Variants in EFL1 observed in about 807,000 individuals in gnomAD.
EFL1 encodes elongation factor like GTPase 1.
Under a neutral mutation model 126.7 loss-of-function variants are expected in EFL1, and 76 were observed. The ratio of observed to expected loss-of-function variants is 0.60; its 90% confidence interval spans 0.50 to 0.73. The LOEUF (loss-of-function observed/expected upper bound fraction) is 0.73. Ranked by LOEUF, EFL1 falls within the 30% of genes least tolerant of loss-of-function variation. EFL1 has a pLI of 0.00. For synonymous variants in EFL1, 410 were observed against 448.4 expected, an observed-to-expected ratio of 0.91 and a Z score of 1.08; for missense variants, 1,128 against 1,343.2, an observed-to-expected ratio of 0.84 and a Z score of 2.50.
At chr15:82,213,435 C>T (rs1158069855) in intron 15 of EFL1, among the ~76,000 whole-genome samples, 1 of 152,172 alleles carries the variant, frequency 6.6e-6, no homozygotes, top group Non-Finnish European at 1.5e-5. Context: ...TGGTATCTCT[C>T]CTTATACACC....
chr15:82,181,672 A>C (rs1405624564), intron 15 of EFL1, among the ~76,000 whole-genome samples: 1 of 151,672 alleles, frequency 6.6e-6, no homozygotes, highest in Non-Finnish European at 1.5e-5. Flanking sequence ...TCACTTATTC[A>C]TCATGAACAT....
chr15:82,251,173 C>A (rs2075017921), intron 4 of EFL1, among the ~76,000 whole-genome samples: 1 of 152,150 alleles, frequency 6.6e-6, no homozygotes. Context: ...GATCATGCCA[C>A]TGCACTCCAG....
chr15:82,152,644 C>A (rs757729157), intron 17 of EFL1, among the ~76,000 whole-genome samples: 1 of 151,672 alleles, frequency 6.6e-6, no homozygotes, highest in Admixed American at 6.6e-5. Flanking sequence ...CAGGGAAATC[C>A]TTGCATGTAC....
chr15:82,141,212 A>G (rs1567037802), intron 18 of EFL1, among the ~76,000 whole-genome samples: 2 of 152,178 alleles, frequency 1.3e-5, no homozygotes, highest in East Asian at 3.8e-4. Flanking sequence ...CAATACTTCA[A>G]GTATAGTCTG....
chr15:82,238,494 T>C lies in EFL1; in HGVS notation c.544A>G (p.Thr182Ala), dbSNP rs1567075411. The C allele has an allele frequency of 4.3e-6, 7 of 1,613,330 alleles. No individual in the cohort carries two copies. Among genetic ancestry groups the C allele is most frequent in the Non-Finnish European group, 5.9e-6 (7 of 1,179,644 alleles). The change falls in exon 7 of 20, where the codon ACT becomes GCT. Residue 182 changes from threonine (T) to alanine (A), a missense_variant. Thr to Ala is a moderately conservative substitution (Grantham distance 58). Transcript: ENST00000268206. ...QINALTGTLF[T>A]SKVLEERAER... ...GCTCTTTCTTCTAGGACTTTAGAAGTAAAAAGAGTCCCTGTGAGCGCATTA... is the reference window on the plus strand; with the variant it reads ...GCTCTTTCTTCTAGGACTTTAGAAGCAAAAAGAGTCCCTGTGAGCGCATTA...
chr15:82,204,162 C>A (rs147921354), intron 15 of EFL1, among the ~76,000 whole-genome samples: 3,052 of 152,194 alleles, frequency 0.02, 109 homozygotes, highest in African/African-American at 0.07. Context: ...CATCTAATGT[C>A]TGCCACATGT....
intron 5 of EFL1, among the ~76,000 whole-genome samples, chr15:82,240,809 G>C (rs1207110256): frequency 6.6e-6 from 1 of 152,162 alleles, no homozygotes; most frequent in Non-Finnish European, 1.5e-5. Context: ...CAGCACTCTG[G>C]GAGGCTGAGG....
intron 6 of EFL1, 78 bp downstream of exon 6, chr15:82,240,340 C>G (rs142368361): frequency 7.2e-7 from 1 of 1,385,608 alleles, no homozygotes; most frequent in Non-Finnish European, 9.7e-7. Flanking sequence ...TCTGTAGCAA[C>G]GGCTCATACC....
Position 82,225,190 on chromosome 15 carries a change from T to C in EFL1, c.1267A>G (p.Lys423Glu), listed in dbSNP as rs151013771. 1,976 of 1,612,050 alleles carry C rather than the reference T, an allele frequency of 1.2e-3. 21 individuals are homozygous for C. The African/African-American group carries it at 0.022, about 18-fold the overall frequency. ...FVSKMFAVDA[K>E]ALPQNKPRPL... The stretch of plus-strand genomic sequence containing the variant: ...CTTGGCTTATTCTGAGGCAAGGCCT[T>C]AGCATCAACTGCAAACATTTTGGAA... The change falls in exon 12 of 20, where the codon AAG (lysine) becomes GAG (glutamate). Residue 423 changes from lysine (K) to glutamate (E), a missense_variant. Physicochemically the swap from Lys to Glu is moderately conservative, Grantham distance 56. Coordinates refer to ENST00000268206, the MANE Select transcript of EFL1 (RefSeq NM_024580.6).
At chr15:82,190,739 A>G (rs2074350852) in intron 15 of EFL1, among the ~76,000 whole-genome samples, 1 of 152,204 alleles carries the variant, frequency 6.6e-6, no homozygotes. Flanking sequence ...AAACTAAGTG[A>G]TAATACTGAT....
chr15:82,158,947 A>G (rs966692949), intron 16 of EFL1, among the ~76,000 whole-genome samples: 7 of 152,218 alleles, frequency 4.6e-5, no homozygotes, highest in Non-Finnish European at 1.0e-4. Flanking sequence ...GTCCCAGACT[A>G]ACTAAGTGGC....
At chr15:82,195,927 G>C (rs2074403345) in intron 15 of EFL1, among the ~76,000 whole-genome samples, 1 of 152,162 alleles carries the variant, frequency 6.6e-6, no homozygotes, top group African/African-American at 2.4e-5. Context: ...TCTATTAAAA[G>C]AAGTACAGGA....
In EFL1 at chr15:82,152,049, T is replaced by C; in HGVS notation, c.2405A>G (p.Glu802Gly). 6.2e-7 allele frequency: 1 copy of C among 1,614,200 alleles called. No individual in the cohort carries two copies. The highest frequency in any genetic ancestry group is 8.5e-7 in the Non-Finnish European group (1 of 1,180,036). The change falls in exon 18 of 20, where the codon GAA (glutamate) becomes GGA (glycine). Residue 802 changes from glutamate (E) to glycine (G), a missense_variant. Physicochemically the swap from Glu to Gly is moderately conservative, Grantham distance 98. Around this residue, in one of 6 missense-constraint regions of EFL1, gnomAD observed 561 missense variants for 641.7 expected, o/e 0.87. Transcript: ENST00000268206. Reference protein sequence around the residue: ...IHQKTQEKIWEFKGKLEQHLT... With the variant: ...IHQKTQEKIWGFKGKLEQHLT... ...GTGTTGCTCCAGTTTTCCTTTGAATTCCCAAATTTTCTCTTGGGTCTTCTG... is the reference window on the plus strand; with the variant it reads ...GTGTTGCTCCAGTTTTCCTTTGAATCCCCAAATTTTCTCTTGGGTCTTCTG...
intron 7 of EFL1, among the ~76,000 whole-genome samples, chr15:82,236,090 A>C (rs1390569566): frequency 6.6e-6 from 1 of 152,168 alleles, no homozygotes; most frequent in Non-Finnish European, 1.5e-5. Flanking sequence ...AAAATGAAAA[A>C]TTAAGTGTAA....
At chr15:82,185,398 TAA>T (rs2074293924) in intron 15 of EFL1, among the ~76,000 whole-genome samples, 1 of 151,674 alleles carries the variant, frequency 6.6e-6, no homozygotes, top group Non-Finnish European at 1.5e-5. Context: ...AATGAAAAAG[TAA>T]AAAAGAAAAA....
intron 15 of EFL1, among the ~76,000 whole-genome samples, chr15:82,200,954 C>T (rs2074461184): frequency 6.6e-6 from 1 of 152,164 alleles, no homozygotes; most frequent in South Asian, 2.1e-4. Flanking sequence ...ACGATCACAG[C>T]TCACTGTAGC....
Position 82,179,089 on chromosome 15 carries a change from A to C in EFL1, c.1751-15105T>G, listed in dbSNP as rs533354593. ...AGCCCAGAAGTTCGAGGTTACAGTA[A>C]ACTATGATCGTGCCACCGCAATCTA... On this transcript the variant is annotated intron_variant, in intron 15 of 19. Transcript: ENST00000268206. Among the ~76,000 whole-genome samples the C allele has an allele frequency of 5.3e-5, 8 of 152,308 alleles. No individual in the cohort carries two copies. In the South Asian group the frequency reaches 1.0e-3, roughly 20 times the overall value.
At chr15:82,249,613 A>G (rs982642312) in intron 4 of EFL1, among the ~76,000 whole-genome samples, 2 of 152,130 alleles carry the variant, frequency 1.3e-5, no homozygotes, top group African/African-American at 4.8e-5. Context: ...TACAGAACGT[A>G]TATTGTTAGG....
At chr15:82,191,014 C>T (rs1389611276) in intron 15 of EFL1, among the ~76,000 whole-genome samples, 6 of 151,036 alleles carry the variant, frequency 4.0e-5, no homozygotes, top group Non-Finnish European at 1.5e-5. Context: ...TATTGGTATC[C>T]CTACTGTAAT....
Sources: allele counts gnomAD v4.1 joint callset (sites outside exome capture counted in the v4.1 genomes callset), GRCh38; gene constraint gnomAD v4.1.1; regional missense constraint gnomAD v4.1.1; transcripts MANE v1.5; gene names NCBI Gene and HGNC (gene_info 2026-07-23, HGNC 2026-07-21).